The following RFX3 variants were observed in gnomAD, a reference collection of about 807,000 sequenced individuals.
RFX3 encodes transcription factor RFX3.
A neutral mutation model predicts 98.6 loss-of-function variants in RFX3; 14 were observed. The observed-to-expected ratio is 0.14, with a 90% CI of 0.09 to 0.22. The LOEUF (loss-of-function observed/expected upper bound fraction) is 0.22, where lower values mean the gene tolerates loss of function less well. Among genes scored for constraint, RFX3 ranks in the 10% least tolerant of loss-of-function variants. The pLI, the probability that RFX3 is intolerant of heterozygous loss-of-function variation, is 1.00. For missense variants in RFX3, 639 were observed against 926.9 expected (o/e 0.69, Z 4.03); for synonymous variants, 383 against 328.4 (o/e 1.17, Z -1.80).
chr9:3,393,728 T>A (rs1840558490), intron 2 of RFX3, among the ~76,000 whole-genome samples: 1 of 147,060 alleles, frequency 6.8e-6, no homozygotes, highest in Non-Finnish European at 1.5e-5. Context: ...GGTTAAAAAA[T>A]ATATATAAAA....
rs555716248 is a variant in RFX3 at position 3,218,737 on chromosome 9, T to C, written c.*6305A>G. On this transcript the variant is annotated 3_prime_UTR_variant, in exon 17 of 17. Transcript: ENST00000617270. ...CAAAAACTGGAAAAGAACATTACAT[T>C]ATCTCACACATACAATCTCTACAAA... is the stretch of plus-strand genomic sequence containing the variant. 6.6e-6 allele frequency: 1 copy of C among 152,174 alleles called. No individual in the cohort carries two copies. Among genetic ancestry groups the C allele is most frequent in the African/African-American group, 2.4e-5 (1 of 41,444 alleles). 9.4% of individuals were successfully genotyped at this position (152,174 alleles called of 1,614,324 possible).
chr9:3,486,090 A>G (rs1048473704), intron 1 of RFX3, among the ~76,000 whole-genome samples: 2 of 137,342 alleles, frequency 1.5e-5, no homozygotes, highest in Admixed American at 8.4e-5. Context: ...ATCCCATTGC[A>G]CTCCAGCCTG....
At chr9:3,301,814 TAA>T (rs1828694704) in intron 4 of RFX3, among the ~76,000 whole-genome samples, 194 bp from the exon 5 acceptor site, 1 of 151,840 alleles carries the variant, frequency 6.6e-6, no homozygotes, top group Non-Finnish European at 1.5e-5. Flanking sequence ...ACACTAATAA[TAA>T]GCCCATTCAC....
intron 1 of RFX3, among the ~76,000 whole-genome samples, chr9:3,455,408 T>G (rs997946409): frequency 2.6e-5 from 4 of 152,220 alleles, no homozygotes; most frequent in Admixed American, 2.0e-4. Flanking sequence ...CAAATGCTCC[T>G]ACTATATACT....
chr9:3,436,211 G>T (rs1587670907), intron 1 of RFX3, among the ~76,000 whole-genome samples: 1 of 152,150 alleles, frequency 6.6e-6, no homozygotes, highest in Middle Eastern at 3.4e-3. Flanking sequence ...AAGCCAAGTT[G>T]TTCTTTGTGA....
chr9:3,338,252 A>T (rs12004859), intron 3 of RFX3, among the ~76,000 whole-genome samples: 8,943 of 152,326 alleles, frequency 0.059, 858 homozygotes, highest in African/African-American at 0.2. Flanking sequence ...TTCAAAAGAC[A>T]TACTTATTTC....
At chr9:3,225,377 A>G in intron 16 of RFX3, 97 bp from the exon 17 acceptor site, 2 of 1,509,668 alleles carry the variant, frequency 1.3e-6, no homozygotes, top group Non-Finnish European at 1.8e-6. Flanking sequence ...GGACATTACG[A>G]AAGCAACAGC....
intron 9 of RFX3, among the ~76,000 whole-genome samples, chr9:3,272,386 G>T (rs541201748): frequency 6.6e-6 from 1 of 152,264 alleles, no homozygotes; most frequent in East Asian, 1.9e-4. Flanking sequence ...TGTTGAGTTT[G>T]GGCCACCTGT....
At chr9:3,473,265 A>G (rs1848942204) in intron 1 of RFX3, among the ~76,000 whole-genome samples, 1 of 152,206 alleles carries the variant, frequency 6.6e-6, no homozygotes, top group African/African-American at 2.4e-5. Context: ...TACTTCAAGT[A>G]TTAGCTGCTA....
At chr9:3,474,687 C>T (rs1366686307) in intron 1 of RFX3, among the ~76,000 whole-genome samples, 2 of 152,174 alleles carry the variant, frequency 1.3e-5, no homozygotes, top group African/African-American at 4.8e-5. Flanking sequence ...AGAAACAGTG[C>T]TTATTTGCCC....
intron 1 of RFX3, among the ~76,000 whole-genome samples, chr9:3,504,921 CATATATTATATATA>C (rs1423131051): frequency 2.8e-4 from 6 of 21,430 alleles, no homozygotes; most frequent in African/African-American, 5.1e-4. Flanking sequence ...TATAATATAA[CATATATTATATATA>C]ATATATATAA....
chr9:3,330,543 T>C (rs1832472384), intron 3 of RFX3, 26 bp from the exon 4 acceptor site: 2 of 1,575,082 alleles, frequency 1.3e-6, no homozygotes, highest in Non-Finnish European at 1.7e-6. Flanking sequence ...AAAAAAGAAA[T>C]TTACTAGCTT....
At chr9:3,455,455 G>A (rs886427202) in intron 1 of RFX3, among the ~76,000 whole-genome samples, 1 of 152,040 alleles carries the variant, frequency 6.6e-6, no homozygotes, top group African/African-American at 2.4e-5. Flanking sequence ...CTTCATTGAA[G>A]TTATCATAGC....
chr9:3,505,177 T>C (rs1816813552), intron 1 of RFX3, among the ~76,000 whole-genome samples: 1 of 98,812 alleles, frequency 1.0e-5, no homozygotes, highest in South Asian at 3.4e-4. Flanking sequence ...TATATTCATA[T>C]AAATATATAT....
intron 1 of RFX3, among the ~76,000 whole-genome samples, chr9:3,439,676 G>A (rs1186040356): frequency 9.9e-5 from 15 of 151,816 alleles, no homozygotes; most frequent in Admixed American, 5.9e-4. Flanking sequence ...GGAAAACTCC[G>A]GCTCAAATGA....
chr9:3,285,800 C>T (rs1471301310), intron 7 of RFX3, among the ~76,000 whole-genome samples: 1 of 151,672 alleles, frequency 6.6e-6, no homozygotes, highest in Non-Finnish European at 1.5e-5. Context: ...ATTCTTATAT[C>T]ATTTCTGAAA....
At chr9:3,269,579 G>C (rs1824103277) in intron 11 of RFX3, among the ~76,000 whole-genome samples, 1 of 152,106 alleles carries the variant, frequency 6.6e-6, no homozygotes, top group Non-Finnish European at 1.5e-5. Context: ...GCCTCTAACA[G>C]TATCTGTGGT....
chr9:3,265,354 AT>A (rs1285146334), intron 12 of RFX3, among the ~76,000 whole-genome samples: 3 of 152,194 alleles, frequency 2.0e-5, no homozygotes, highest in Non-Finnish European at 2.9e-5. Context: ...AGAAAGTTTT[AT>A]TGCAAACTTT....
chr9:3,265,597 T>A (rs1039773733), intron 12 of RFX3, among the ~76,000 whole-genome samples: 3 of 152,194 alleles, frequency 2.0e-5, no homozygotes, highest in African/African-American at 7.2e-5. Context: ...ACAGATTAAC[T>A]GGAAGCAGCA....
Sources: allele counts gnomAD v4.1 joint callset (sites outside exome capture counted in the v4.1 genomes callset), GRCh38; gene constraint gnomAD v4.1.1; transcripts MANE v1.5; gene names NCBI Gene and HGNC (gene_info 2026-07-23, HGNC 2026-07-21).